Variants in NRP1 observed in about 807,000 individuals in gnomAD.
The protein encoded by NRP1 is neuropilin 1.
In NRP1, 35 loss-of-function variants were observed where a neutral mutation model predicts 106.7. The observed-to-expected ratio is 0.33, with a 90% confidence interval of 0.25 to 0.43. The LOEUF is 0.43. NRP1 is among the 20% of genes least tolerant of loss of function. The pLI, the probability that NRP1 is intolerant of heterozygous loss-of-function variation, is 1.00. For synonymous variants in NRP1, 437 were observed against 417.9 expected (o/e 1.05, Z -0.56); for missense variants, 1,024 against 1,170.4 (o/e 0.87, Z 1.83).
intron 2 of NRP1, among the ~76,000 whole-genome samples, chr10:33,287,668 G>A (rs1303197545): frequency 1.3e-5 from 2 of 152,162 alleles, no homozygotes; most frequent in African/African-American, 4.8e-5. Flanking sequence ...CAATTCTTTA[G>A]CCTGACTAGT....
intron 6 of NRP1, among the ~76,000 whole-genome samples, chr10:33,246,587 C>CACACAGAA (rs1554791175): frequency 6.6e-6 from 1 of 151,112 alleles, no homozygotes; most frequent in Non-Finnish European, 1.5e-5. Flanking sequence ...GCAATAAACA[C>CACACAGAA]ACACACACAC....
intron 2 of NRP1, among the ~76,000 whole-genome samples, chr10:33,280,925 G>A (rs545026145): frequency 6.6e-6 from 1 of 151,570 alleles, no homozygotes; most frequent in East Asian, 2.0e-4. Context: ...GAACCGAGAT[G>A]GCACCACTGA....
chr10:33,186,101 G>T, intron 14 of NRP1, 116 bp downstream of exon 14: 1 of 1,321,704 alleles, frequency 7.6e-7, no homozygotes, highest in East Asian at 2.3e-5. Flanking sequence ...CTCAGGGTTG[G>T]GAAACACTGG....
intron 2 of NRP1, among the ~76,000 whole-genome samples, chr10:33,317,068 C>T (rs1408059968): frequency 6.6e-6 from 1 of 152,146 alleles, no homozygotes; most frequent in African/African-American, 2.4e-5. Context: ...GAGGTAGATC[C>T]TACAGAATTC....
rs189224643 is a variant in NRP1 at position 33,245,207 on chromosome 10, A to C, written c.981+8821T>G. Among the ~76,000 whole-genome samples, 1,516 of 152,354 alleles carry C rather than the reference A, an allele frequency of 1.0e-2. 14 individuals are homozygous for C. Among genetic ancestry groups the C allele is most frequent in the Non-Finnish European group, 0.016 (1,074 of 68,030 alleles). The stretch of plus-strand genomic sequence containing the variant: ...CTTTCAAAAGGCTGATTATATGAAA[A>C]AAATGAATTTTAGGATCTTTTACGC... On this transcript the variant is annotated intron_variant, in intron 6 of 16. Transcript: ENST00000374867.
At chr10:33,292,713 G>A (rs929116977) in intron 2 of NRP1, among the ~76,000 whole-genome samples, 3 of 152,160 alleles carry the variant, frequency 2.0e-5, no homozygotes, top group Admixed American at 2.0e-4. Flanking sequence ...ACCTGCCAAC[G>A]ACGGTGGCTC....
chr10:33,181,000 A>T (rs1323541106), intron 16 of NRP1, among the ~76,000 whole-genome samples: 1 of 152,232 alleles, frequency 6.6e-6, no homozygotes, highest in Non-Finnish European at 1.5e-5. Flanking sequence ...CATGTCTGTC[A>T]TGCCAAATAG....
chr10:33,206,995 T>C (rs1218628109), intron 10 of NRP1, among the ~76,000 whole-genome samples: 1 of 152,228 alleles, frequency 6.6e-6, no homozygotes, highest in African/African-American at 2.4e-5. Flanking sequence ...AAGATATTCA[T>C]CCAGAATAAT....
intron 6 of NRP1, among the ~76,000 whole-genome samples, chr10:33,239,960 CA>C (rs1271492441): frequency 6.6e-6 from 1 of 152,194 alleles, no homozygotes; most frequent in African/African-American, 2.4e-5. Flanking sequence ...AGAGTGACCG[CA>C]TCAAAATGGT....
In NRP1 at chr10:33,221,874, A is replaced by G. The variant is rs750738668; in HGVS notation, c.1138-11T>C. 20 of 1,592,010 alleles carry G rather than the reference A, an allele frequency of 1.3e-5. No individual in the cohort carries two copies. Among genetic ancestry groups the G allele is most frequent in the East Asian group, 2.3e-5 (1 of 44,250 alleles). On this transcript the variant is annotated splice_polypyrimidine_tract_variant and intron_variant, in intron 7 of 16. Transcript: ENST00000374867. ...GTTTCCCTGAAAGAGCTGTATGGGG[A>G]AAAAAAGTGCCTTTCTTTAGCAGAG...
At chr10:33,211,140 T>C (rs1333225545) in intron 9 of NRP1, 13 of 152,234 alleles carry the variant, frequency 8.5e-5, no homozygotes. Flanking sequence ...TGGAATTCAG[T>C]GCTGGATTTA....
At position 33,179,834 on chromosome 10, in the gene NRP1, CA is replaced by C. The variant is rs368865336; in HGVS notation, c.*241del. ...TTATGTCAATCATACTTGGTCTCAA[CA>C]CCAGCATCTGATTATTCAAATGAAA... On this transcript the variant is annotated 3_prime_UTR_variant, in exon 17 of 17. Transcript: ENST00000374867. 58 of 530,492 alleles carry C rather than the reference CA, an allele frequency of 1.1e-4. No homozygotes were observed. The highest frequency in any genetic ancestry group is 1.0e-3 in the African/African-American group (54 of 52,716). 32.9% of individuals were successfully genotyped at this position (530,492 alleles called of 1,614,324 possible). A position where few individuals can be genotyped will look rare whatever the true frequency, so the allele number is the denominator to read the frequency against.
intron 2 of NRP1, among the ~76,000 whole-genome samples, chr10:33,306,355 GGTGTGT>G (rs61242197): frequency 0.036 from 5,266 of 148,116 alleles, 127 homozygotes; most frequent in Non-Finnish European, 0.051. Context: ...GGGTCAGAAG[GGTGTGT>G]GTGTGTGTGT....
rs187880346 is a variant in NRP1 at position 33,319,347 on chromosome 10, A to C, written c.248+11361T>G. ...CTACAAGAGGTTTGTAAAATGCACC[A>C]ATCAGTGCTCTGTAAAAATGCACCA... On this transcript the variant is annotated intron_variant, in intron 2 of 16. Coordinates refer to ENST00000374867, the MANE Select transcript of NRP1 (RefSeq NM_003873.7). 2.0e-5 allele frequency among the ~76,000 whole-genome samples: 3 copies of C among 152,048 alleles called. No individual in the cohort carries two copies. In the East Asian group the frequency reaches 5.8e-4, roughly 29 times the overall value.
At chr10:33,297,082 A>G (rs1018456588) in intron 2 of NRP1, among the ~76,000 whole-genome samples, 3 of 152,214 alleles carry the variant, frequency 2.0e-5, no homozygotes, top group African/African-American at 7.2e-5. Context: ...ATAAATCACA[A>G]ATTGGAAGCC....
Position 33,243,933 on chromosome 10 carries a change from T to TTGTGTGTG in NRP1, c.981+10087_981+10094dup, listed in dbSNP as rs112554908. Among the ~76,000 whole-genome samples, 42 of 141,440 alleles carry TTGTGTGTG rather than the reference T, an allele frequency of 3.0e-4. 1 individual carries two copies. The highest frequency in any genetic ancestry group is 1.8e-3 in the South Asian group (8 of 4,338). 92.8% of individuals were successfully genotyped at this position (141,440 alleles called of 152,430 possible). On this transcript the variant is annotated intron_variant, in intron 6 of 16. Coordinates refer to ENST00000374867, the MANE Select transcript of NRP1 (RefSeq NM_003873.7). ...GAGAGTGGAGAAGGAGGGTAGAGGT[T>TTGTGTGTG]TGTGTGTGTGTGTGTGTGTGTGTGT...
At chr10:33,247,164 A>T (rs2133117443) in intron 6 of NRP1, among the ~76,000 whole-genome samples, 1 of 152,348 alleles carries the variant, frequency 6.6e-6, no homozygotes, top group East Asian at 1.9e-4. Flanking sequence ...AAGATAAAAC[A>T]AGGGTTTCAA....
chr10:33,300,421 G>A (rs922987710), intron 2 of NRP1, among the ~76,000 whole-genome samples: 13 of 152,168 alleles, frequency 8.5e-5, no homozygotes, highest in Admixed American at 3.3e-4. Flanking sequence ...TTTGGACAGC[G>A]GCCAGGAGAG....
intron 1 of NRP1, 95 bp downstream of exon 1, chr10:33,334,215 G>A: frequency 2.6e-6 from 3 of 1,158,524 alleles, no homozygotes; most frequent in South Asian, 1.4e-5. Flanking sequence ...GGTTGTTCCC[G>A]GCTGATCCCG....
Sources: gnomAD v4.1 joint callset for allele counts (sites outside exome capture counted in the v4.1 genomes callset) on GRCh38, gnomAD v4.1.1 for gene constraint, MANE v1.5 for transcripts, NCBI Gene and HGNC (gene_info 2026-07-23, HGNC 2026-07-21) for gene names.